Variants in MINK1 observed in about 807,000 individuals in gnomAD.
The protein encoded by MINK1 is misshapen-like kinase 1.
Under a neutral mutation model 178.4 loss-of-function variants are expected in MINK1, and 46 were observed. That is an observed-to-expected ratio of 0.26 (90% confidence interval 0.20 to 0.33). MINK1 has a LOEUF of 0.33. Ranked by LOEUF, MINK1 falls within the 10% of genes least tolerant of loss-of-function variation. The pLI is 1.00. For synonymous variants in MINK1, 797 were observed against 709.7 expected, an observed-to-expected ratio of 1.12 and a Z score of -1.96; for missense variants, 1,366 against 1,814.9, an observed-to-expected ratio of 0.75 and a Z score of 4.49.
At position 4,894,424 on chromosome 17, in the gene MINK1, G is replaced by A. The variant is rs528461811; in HGVS notation, c.2809-101G>A. ...GGCGGAGCGCTGGGAGCTGGACAGC[G>A]GGGGTGCCAGTTGGGGAGCTGGAGC... On this transcript the variant is annotated intron_variant, in intron 23 of 31. Transcript: ENST00000355280. This position sits in a 1 kb window ranked among gnomAD's most constrained non-coding sequence, Gnocchi z 4.1. The A allele has an allele frequency of 3.7e-5, 56 of 1,523,070 alleles. No homozygotes were observed. The South Asian group carries it at 4.3e-4, about 12-fold the overall frequency. 94.3% of individuals were successfully genotyped at this position (1,523,070 alleles called of 1,614,324 possible). A position where few individuals can be genotyped will look rare whatever the true frequency, so the allele number is the denominator to read the frequency against.
At position 4,894,924 on chromosome 17, in the gene MINK1, A is replaced by G. The variant is rs1290430872; in HGVS notation, c.2918-151A>G. The stretch of plus-strand genomic sequence containing the variant: ...CTTTTGACTCCAAGTCCAGCACTCT[A>G]TCCCCCTCTCCCATGCACCTCCTCT... On this transcript the variant is annotated intron_variant, in intron 24 of 31. Coordinates refer to ENST00000355280, the MANE Select transcript of MINK1 (RefSeq NM_153827.5). This position sits in a 1 kb window ranked among gnomAD's most constrained non-coding sequence, Gnocchi z 4.1. The G allele has an allele frequency of 8.3e-6, 7 of 843,690 alleles. No individual in the cohort carries two copies. The highest frequency in any genetic ancestry group is 5.3e-5 in the East Asian group (2 of 37,678). The allele number at this position is 843,690 out of a possible 1,614,324, so 52.3% of individuals were successfully genotyped here. A position where few individuals can be genotyped will look rare whatever the true frequency, so the allele number is the denominator to read the frequency against.
chr17:4,882,703 C>T (rs1182194781), intron 4 of MINK1, among the ~76,000 whole-genome samples: 1 of 152,202 alleles, frequency 6.6e-6, no homozygotes, highest in Non-Finnish European at 1.5e-5. Context: ...ATAGTCAGTA[C>T]GTAAACGAAT....
rs967430731 is a variant in MINK1 at position 4,836,859 on chromosome 17, T to A, written c.57+3219T>A. Among the ~76,000 whole-genome samples, 1 of 152,034 alleles carries A rather than the reference T, an allele frequency of 6.6e-6. No individual in the cohort carries two copies. The highest frequency in any genetic ancestry group is 2.4e-5 in the African/African-American group (1 of 41,388). On this transcript the variant is annotated intron_variant, in intron 1 of 31. Coordinates refer to ENST00000355280, the MANE Select transcript of MINK1 (RefSeq NM_153827.5). This position sits in a 1 kb window ranked among gnomAD's most constrained non-coding sequence, Gnocchi z 4.3. ...ATAGTATTTATCACCAGCTGACATA[T>A]ATATTCCTGTCAGCCCCACTAAAAT... is the stretch of plus-strand genomic sequence containing the variant.
rs546196429 is a variant in MINK1 at position 4,886,882 on chromosome 17, C to G, written c.950-228C>G. Among the ~76,000 whole-genome samples the G allele has an allele frequency of 1.3e-5, 2 of 152,186 alleles. No homozygotes were observed. Among genetic ancestry groups the G allele is most frequent in the Non-Finnish European group, 2.9e-5 (2 of 68,026 alleles). On this transcript the variant is annotated intron_variant, in intron 10 of 31. Coordinates refer to ENST00000355280, the MANE Select transcript of MINK1 (RefSeq NM_153827.5). This position sits in a 1 kb window ranked among gnomAD's most constrained non-coding sequence, Gnocchi z 6.1. ...ACTCCATGCTAAGCACATGTGTGTG[C>G]GAGCACAAGCACAGGCTCTGCCACA... is the stretch of plus-strand genomic sequence containing the variant.
At chr17:4,875,320 A>T (rs1252869855) in intron 1 of MINK1, among the ~76,000 whole-genome samples, 1 of 152,114 alleles carries the variant, frequency 6.6e-6, no homozygotes, top group Non-Finnish European at 1.5e-5. Flanking sequence ...CCCGTTAAAT[A>T]TTGTTTTAGC....
chr17:4,868,864 C>A, intron 1 of MINK1: 1 of 328,636 alleles, frequency 3.0e-6, no homozygotes, highest in South Asian at 2.1e-5. Flanking sequence ...GTCCTCCCAC[C>A]TCAGCCTCCT....
At position 4,884,365 on chromosome 17, in the gene MINK1, G is replaced by T. The variant is rs1165444696; in HGVS notation, c.309G>T (p.Leu103=). The T allele has an allele frequency of 3.1e-6, 5 of 1,613,544 alleles. No individual in the cohort carries two copies. In the South Asian group the frequency reaches 5.5e-5, roughly 18 times the overall value. Residue 103 remains leucine (L), a splice_region_variant and synonymous_variant, in exon 5 of 32, where the codon CTG becomes CTT. Transcript: ENST00000355280. ...SPPGNDDQLW[L]VMEFCGAGSV... is the part of the protein sequence containing the mutation. Reference sequence around the variant, plus strand: ...TCGGTACCTTCCTGGGATCCTAGCTGGTGATGGAGTTCTGTGGTGCTGGTT... The same window carrying T: ...TCGGTACCTTCCTGGGATCCTAGCTTGTGATGGAGTTCTGTGGTGCTGGTT...
chr17:4,891,843 C>A, intron 16 of MINK1, 127 bp downstream of exon 16: 1 of 1,346,766 alleles, frequency 7.4e-7, no homozygotes, highest in Non-Finnish European at 9.9e-7. Flanking sequence ...CAGGGCGCTG[C>A]CCTGCCGGGG....
At chr17:4,844,590 G>A (rs955492354) in intron 1 of MINK1, 1 of 511,378 alleles carries the variant, frequency 2.0e-6, no homozygotes, top group African/African-American at 1.9e-5. Context: ...AGCTGAACAG[G>A]TGGTGGGTTG....
At chr17:4,864,585 C>T (rs1448486756) in intron 1 of MINK1, among the ~76,000 whole-genome samples, 1 of 151,206 alleles carries the variant, frequency 6.6e-6, no homozygotes, top group Non-Finnish European at 1.5e-5. Flanking sequence ...ATTAGCCGGG[C>T]ATGGTGGTGG....
At chr17:4,897,178 G>C in intron 31 of MINK1, 26 bp from the exon 32 acceptor site, 1 of 1,606,678 alleles carries the variant, frequency 6.2e-7, no homozygotes, top group Non-Finnish European at 8.5e-7. Context: ...TCAGCCCTTG[G>C]TGACTTCTTC....
rs11556634 is a variant in MINK1, at chr17:4,892,979, T to A, written c.2312T>A (p.Val771Asp). ...AGSLERNRVG[V>D]SSKPDSSPVL... is the part of the protein sequence containing the mutation. ...GACCTTCTTCCACCCTGCCGTCCAG[T>A]CTCCTCCAAACCGGACAGCTCCCCT... The change falls in exon 20 of 32, where the codon GTC becomes GAC. Residue 771 changes from valine to aspartate, a missense_variant and splice_region_variant. By Grantham distance (152) the Val-to-Asp change is radical (BLOSUM62 -3). Around this residue, in one of 14 missense-constraint regions of MINK1, gnomAD observed 709 missense variants for 692.3 expected, o/e 1.02. Transcript: ENST00000355280. 3 of 1,563,074 alleles carry A rather than the reference T, an allele frequency of 1.9e-6. No homozygotes were observed. Among genetic ancestry groups the A allele is most frequent in the Non-Finnish European group, 2.6e-6 (3 of 1,154,902 alleles).
At chr17:4,877,762 T>C (rs1369751206) in intron 1 of MINK1, among the ~76,000 whole-genome samples, 2 of 149,478 alleles carry the variant, frequency 1.3e-5, no homozygotes, top group African/African-American at 2.5e-5. Flanking sequence ...ATCGGGAACA[T>C]GTCTTTGAAA....
rs1383521431 is a variant in MINK1 at position 4,891,055 on chromosome 17, G to GCCCCCAGGA, written c.1676_1684dup (p.Pro559_Pro561dup). ...CCCCCATCCCCCAGGCCTCCCCAGG[G>GCCCCCAGGA]CCCCCAGGACCCCTTTCCCAGACTC... On this transcript the variant is annotated inframe_insertion, in exon 15 of 32. Coordinates refer to ENST00000355280, the MANE Select transcript of MINK1 (RefSeq NM_153827.5). The GCCCCCAGGA allele has an allele frequency of 1.9e-6, 3 of 1,554,424 alleles. No individual in the cohort carries two copies. The highest frequency in any genetic ancestry group is 1.9e-5 in the Admixed American group (1 of 51,476).
chr17:4,833,706 G>A lies in MINK1; in HGVS notation c.57+66G>A. On this transcript the variant is annotated intron_variant, in intron 1 of 31. Coordinates refer to ENST00000355280, the MANE Select transcript of MINK1 (RefSeq NM_153827.5). This position sits in a 1 kb window ranked among gnomAD's most constrained non-coding sequence, Gnocchi z 4.8. ...CCGCCGCAGGGGAGGGAGCGGGGTG[G>A]CTGCACGCCTCACGTGCTCCCGGGC... 2 of 1,328,180 alleles carry A rather than the reference G, an allele frequency of 1.5e-6. No homozygotes were observed. The highest frequency in any genetic ancestry group is 1.5e-5 in the South Asian group (1 of 67,924). 82.3% of individuals were successfully genotyped at this position (1,328,180 alleles called of 1,614,324 possible).
intron 5 of MINK1, 138 bp downstream of exon 5, chr17:4,884,611 G>A (rs917492309): frequency 1.5e-6 from 1 of 686,758 alleles, no homozygotes; most frequent in South Asian, 1.8e-5. Context: ...CGGGTGGGAT[G>A]TGGAAGCAGG....
intron 1 of MINK1, chr17:4,859,187 C>T: frequency 1.0e-6 from 1 of 985,454 alleles, no homozygotes; most frequent in Non-Finnish European, 1.2e-6. Flanking sequence ...GTGCTTCTTT[C>T]CCAAGGACTT....
At chr17:4,847,627 A>C (rs1229739437) in intron 1 of MINK1, among the ~76,000 whole-genome samples, 1 of 152,260 alleles carries the variant, frequency 6.6e-6, no homozygotes, top group Non-Finnish European at 1.5e-5. Flanking sequence ...TGACTTAAAC[A>C]TATGAATATA....
chr17:4,867,934 C>T (rs889840892), intron 1 of MINK1, among the ~76,000 whole-genome samples: 1 of 151,554 alleles, frequency 6.6e-6, no homozygotes, highest in South Asian at 2.1e-4. Flanking sequence ...TTACCTCAAA[C>T]GCTTATTTTG....
Sources: gnomAD v4.1 joint callset for allele counts (sites outside exome capture counted in the v4.1 genomes callset) on GRCh38, gnomAD v4.1.1 for gene constraint, gnomAD v4.1.1 regional missense constraint, Gnocchi (gnomAD v3.1) non-coding constraint, MANE v1.5 for transcripts, NCBI Gene and HGNC (gene_info 2026-07-23, HGNC 2026-07-21) for gene names.